The following SLC35D4 variants were observed in gnomAD, a reference collection of about 807,000 sequenced individuals.
SLC35D4 encodes UDP-N-acetylglucosamine transporter SLC35D4.
chr18:23,385,101 T>A, the SLC35D4 span: 2 of 1,587,274 alleles, frequency 1.3e-6, no homozygotes, highest in Admixed American at 3.4e-5. Context: ...CATGAAAATA[T>A]TTTCTTCGAT....
the SLC35D4 span, among the ~76,000 whole-genome samples, chr18:23,305,040 G>A: frequency 1.3e-5 from 2 of 152,140 alleles, no homozygotes; most frequent in African/African-American, 4.8e-5. Flanking sequence ...ATTTCTTAAT[G>A]GTTTCCACAT....
the SLC35D4 span, among the ~76,000 whole-genome samples, chr18:23,333,654 C>A: frequency 2.6e-5 from 4 of 152,208 alleles, no homozygotes; most frequent in East Asian, 7.7e-4. Context: ...CACCCCTACT[C>A]CCACCTGAAG....
the SLC35D4 span, among the ~76,000 whole-genome samples, chr18:23,307,942 C>T: frequency 2.0e-4 from 30 of 152,168 alleles, no homozygotes; most frequent in Non-Finnish European, 3.1e-4. Flanking sequence ...CTGCCTGTCC[C>T]GGTCTGCCCT....
the SLC35D4 span, among the ~76,000 whole-genome samples, chr18:23,299,655 T>C: frequency 2.0e-5 from 3 of 152,266 alleles, no homozygotes; most frequent in Admixed American, 2.0e-4. Context: ...AGAGAACAAA[T>C]GTACTCCTTC....
the SLC35D4 span, among the ~76,000 whole-genome samples, chr18:23,353,911 G>T: frequency 6.6e-6 from 1 of 152,110 alleles, no homozygotes; most frequent in African/African-American, 2.4e-5. Context: ...GGAAACCAGA[G>T]GCTTTTAGAA....
At chr18:23,370,107 G>A in the SLC35D4 span, 2 of 858,152 alleles carry the variant, frequency 2.3e-6, no homozygotes, top group Non-Finnish European at 3.5e-6. Flanking sequence ...TGAACCCGGG[G>A]GGTGGAGGGT....
chr18:23,425,916 T>G, the SLC35D4 span, among the ~76,000 whole-genome samples: 9 of 152,046 alleles, frequency 5.9e-5, no homozygotes, highest in Non-Finnish European at 1.3e-4. Context: ...TAAATTAAAC[T>G]GACAACAATT....
At chr18:23,323,382 G>C in the SLC35D4 span, among the ~76,000 whole-genome samples, 1 of 152,174 alleles carries the variant, frequency 6.6e-6, no homozygotes, top group East Asian at 1.9e-4. Context: ...TAGGAGATGT[G>C]GTTGCCCATT....
At chr18:23,364,933 A>AAAAAAAAAAAAAAAAT in the SLC35D4 span, among the ~76,000 whole-genome samples, 2 of 15,800 alleles carry the variant, frequency 1.3e-4, 1 homozygote, top group Non-Finnish European at 2.3e-4. Context: ...AAAAAAAAAA[A>AAAAAAAAAAAAAAAAT]GGACTCCTTT....
At chr18:23,290,094 TGCCGC>T in the SLC35D4 span, among the ~76,000 whole-genome samples, 4 of 152,192 alleles carry the variant, frequency 2.6e-5, no homozygotes, top group African/African-American at 9.6e-5. Context: ...TGAAGTGAGA[TGCCGC>T]GTGGGTGAAG....
chr18:23,373,345 A>G, the SLC35D4 span, among the ~76,000 whole-genome samples: 1 of 151,922 alleles, frequency 6.6e-6, no homozygotes, highest in African/African-American at 2.4e-5. Flanking sequence ...ACAAAAAATC[A>G]CTTTGCAGGA....
the SLC35D4 span, among the ~76,000 whole-genome samples, chr18:23,425,400 C>CA: frequency 2.6e-5 from 4 of 151,974 alleles, no homozygotes; most frequent in African/African-American, 9.7e-5. Context: ...TGTGCCCAGC[C>CA]AAAAAAATGA....
chr18:23,240,731 C>G, the SLC35D4 span, among the ~76,000 whole-genome samples: 1 of 152,246 alleles, frequency 6.6e-6, no homozygotes, highest in Non-Finnish European at 1.5e-5. Context: ...GCCCCCAGGG[C>G]AGTCCAATGT....
the SLC35D4 span, among the ~76,000 whole-genome samples, chr18:23,437,289 G>T: frequency 6.6e-6 from 1 of 152,160 alleles, no homozygotes; most frequent in Admixed American, 6.5e-5. Flanking sequence ...CTCCTGAAGT[G>T]CTTACAATGG....
chr18:23,343,071 C>T, the SLC35D4 span, among the ~76,000 whole-genome samples: 3 of 151,922 alleles, frequency 2.0e-5, no homozygotes, highest in Non-Finnish European at 4.4e-5. Flanking sequence ...TACAGGCGTG[C>T]GCCACCACAC....
the SLC35D4 span, among the ~76,000 whole-genome samples, chr18:23,244,946 G>A: frequency 7.2e-5 from 11 of 152,214 alleles, no homozygotes; most frequent in African/African-American, 2.4e-4. Context: ...GAAGGAGGCC[G>A]GAGCTTTATC....
At chr18:23,335,868 A>T in the SLC35D4 span, among the ~76,000 whole-genome samples, 3 of 152,194 alleles carry the variant, frequency 2.0e-5, no homozygotes, top group African/African-American at 7.2e-5. Context: ...CACTAACGGC[A>T]CCCATAAAAA....
At chr18:23,309,668 CA>C in the SLC35D4 span, 5 of 1,613,184 alleles carry the variant, frequency 3.1e-6, no homozygotes, top group African/African-American at 1.3e-5. Flanking sequence ...TCTCTCTATG[CA>C]AAAGACTTAC....
At chr18:23,430,889 C>T in the SLC35D4 span, among the ~76,000 whole-genome samples, 16 of 152,268 alleles carry the variant, frequency 1.1e-4, no homozygotes, top group South Asian at 3.3e-3. Context: ...GGCACGGTGG[C>T]TCATGCCTGT....
Sources: allele counts gnomAD v4.1 joint callset (sites outside exome capture counted in the v4.1 genomes callset), GRCh38; gene constraint gnomAD v4.1.1; transcripts MANE v1.5; gene names NCBI Gene and HGNC (gene_info 2026-07-23, HGNC 2026-07-21).